ME1: variants seen among roughly 807,000 people sequenced by gnomAD.
ME1 encodes the protein malic enzyme 1, also known as NADP-dependent malic enzyme.
A neutral mutation model predicts 66.4 loss-of-function variants in ME1; 74 were observed. That is an observed-to-expected ratio of 1.11 (90% CI 0.92 to 1.35). The LOEUF (loss-of-function observed/expected upper bound fraction) is 1.35, where lower values mean the gene tolerates loss of function less well. ME1 is among the 40% of genes most tolerant of loss of function. The probability of loss-of-function intolerance (pLI) is 0.00; values close to 1 mark genes in which losing one functional copy is unlikely to be tolerated. For missense variants in ME1, 750 were observed against 694.1 expected, an observed-to-expected ratio of 1.08 and a Z score of -0.90; for synonymous variants, 251 against 235.6, an observed-to-expected ratio of 1.07 and a Z score of -0.60.
intron 1 of ME1, among the ~76,000 whole-genome samples, chr6:83,414,075 C>A (rs1182548656): frequency 7.0e-6 from 1 of 143,356 alleles, no homozygotes; most frequent in African/African-American, 2.6e-5. Flanking sequence ...CACACCATTG[C>A]ACTCCAGCCT....
intron 6 of ME1, among the ~76,000 whole-genome samples, chr6:83,292,876 C>T (rs2128535185): frequency 6.6e-6 from 1 of 152,266 alleles, no homozygotes; most frequent in African/African-American, 2.4e-5. Flanking sequence ...CCGCCAAGCT[C>T]CCGCATCCCA....
At chr6:83,255,356 C>T (rs919655525) in intron 6 of ME1, among the ~76,000 whole-genome samples, 3 of 151,896 alleles carry the variant, frequency 2.0e-5, no homozygotes, top group African/African-American at 7.2e-5. Flanking sequence ...ATCTAGTACA[C>T]TGTGCCATTA....
At chr6:83,340,147 T>G (rs144136953) in intron 5 of ME1, among the ~76,000 whole-genome samples, 308 of 152,300 alleles carry the variant, frequency 2.0e-3, no homozygotes, top group Non-Finnish European at 3.8e-3. Flanking sequence ...CTGAGTGCTA[T>G]AATTTGACCA....
intron 6 of ME1, among the ~76,000 whole-genome samples, chr6:83,298,959 T>G (rs1284184015): frequency 5.8e-5 from 6 of 103,266 alleles, no homozygotes; most frequent in Non-Finnish European, 1.3e-4. Context: ...TTTTTTTTTT[T>G]TTTTTTTTTT....
chr6:83,401,742 C>G (rs1769845105), intron 2 of ME1, among the ~76,000 whole-genome samples: 1 of 152,182 alleles, frequency 6.6e-6, no homozygotes, highest in Admixed American at 6.5e-5. Flanking sequence ...TGGACTTTCA[C>G]TCACCAAGGC....
At chr6:83,413,786 T>C (rs886933087) in intron 1 of ME1, among the ~76,000 whole-genome samples, 1 of 152,188 alleles carries the variant, frequency 6.6e-6, no homozygotes, top group Non-Finnish European at 1.5e-5. Flanking sequence ...ATGATTATTT[T>C]TAAATTCTAA....
chr6:83,272,951 G>A (rs1767111871), intron 6 of ME1, among the ~76,000 whole-genome samples: 2 of 152,038 alleles, frequency 1.3e-5, no homozygotes, highest in Admixed American at 6.6e-5. Flanking sequence ...GAGGCAGGTG[G>A]ATCACCTGAA....
At chr6:83,234,398 A>G (rs767271026) in intron 9 of ME1, among the ~76,000 whole-genome samples, 4 of 152,096 alleles carry the variant, frequency 2.6e-5, no homozygotes, top group Admixed American at 6.5e-5. Flanking sequence ...CCAACTGCCA[A>G]TGGGACATCT....
intron 6 of ME1, among the ~76,000 whole-genome samples, chr6:83,276,968 T>C (rs1211670100): frequency 6.6e-6 from 1 of 152,238 alleles, no homozygotes; most frequent in African/African-American, 2.4e-5. Context: ...TCCCTAGCTC[T>C]GCAATAAACT....
At chr6:83,387,205 A>T (rs1305560008) in intron 3 of ME1, among the ~76,000 whole-genome samples, 1 of 152,210 alleles carries the variant, frequency 6.6e-6, no homozygotes, top group African/African-American at 2.4e-5. Context: ...AAATAGATAC[A>T]TGAAAAAAGC....
At chr6:83,283,037 GC>G (rs1296068501) in intron 6 of ME1, among the ~76,000 whole-genome samples, 3 of 150,912 alleles carry the variant, frequency 2.0e-5, no homozygotes, top group Non-Finnish European at 4.4e-5. Context: ...GACCATCCTG[GC>G]TAACAAGGTG....
chr6:83,389,623 C>T (rs1342818772), intron 3 of ME1, among the ~76,000 whole-genome samples: 1 of 151,918 alleles, frequency 6.6e-6, no homozygotes, highest in Non-Finnish European at 1.5e-5. Flanking sequence ...TGTAAAAATA[C>T]AGTAGGTAGA....
At chr6:83,297,669 T>G (rs1372437478) in intron 6 of ME1, among the ~76,000 whole-genome samples, 1 of 152,152 alleles carries the variant, frequency 6.6e-6, no homozygotes, top group Non-Finnish European at 1.5e-5. Flanking sequence ...CATGGTGGTT[T>G]GCTACACCTA....
chr6:83,238,799 A>ATATATATATATATAT (rs1554263094), intron 8 of ME1, among the ~76,000 whole-genome samples: 9,188 of 138,464 alleles, frequency 0.066, 495 homozygotes, highest in Non-Finnish European at 0.093. Flanking sequence ...TTTCTTGAAA[A>ATATATATATATATAT]ATATATATAT....
intron 5 of ME1, among the ~76,000 whole-genome samples, chr6:83,334,125 G>A (rs1030794764): frequency 3.9e-5 from 6 of 152,104 alleles, no homozygotes; most frequent in African/African-American, 7.2e-5. Context: ...TGCGCGAGCC[G>A]AAGCAGGTCG....
intron 6 of ME1, among the ~76,000 whole-genome samples, chr6:83,268,421 T>C (rs1012425799): frequency 2.0e-5 from 3 of 152,166 alleles, no homozygotes; most frequent in African/African-American, 4.8e-5. Flanking sequence ...TAGGGTAAGT[T>C]CCGATAAATG....
At chr6:83,321,186 T>G (rs1040777899) in intron 5 of ME1, among the ~76,000 whole-genome samples, 1 of 152,152 alleles carries the variant, frequency 6.6e-6, no homozygotes, top group Non-Finnish European at 1.5e-5. Context: ...CTTGGGTGCT[T>G]ACACCACAAC....
intron 2 of ME1, among the ~76,000 whole-genome samples, chr6:83,403,493 A>AT (rs1190476130): frequency 1.3e-5 from 2 of 151,812 alleles, no homozygotes; most frequent in African/African-American, 2.4e-5. Flanking sequence ...TTATTTTTTT[A>AT]TTTTTTATTT....
At chr6:83,294,618 C>G (rs961794679) in intron 6 of ME1, among the ~76,000 whole-genome samples, 1 of 152,140 alleles carries the variant, frequency 6.6e-6, no homozygotes, top group Non-Finnish European at 1.5e-5. Flanking sequence ...ACCAAAAGCC[C>G]TTCTGCCACT....
Sources: gnomAD v4.1 joint callset for allele counts (sites outside exome capture counted in the v4.1 genomes callset) on GRCh38, gnomAD v4.1.1 for gene constraint, MANE v1.5 for transcripts, NCBI Gene and HGNC (gene_info 2026-07-23, HGNC 2026-07-21) for gene names.